GAPVD1: variants seen among roughly 807,000 people sequenced by gnomAD.
The protein encoded by GAPVD1 is GTPase activating protein and VPS9 domains 1.
In GAPVD1, 35 loss-of-function variants were observed where a neutral mutation model predicts 155.5. That is an observed-to-expected ratio of 0.23 (90% CI 0.17 to 0.30). The LOEUF (loss-of-function observed/expected upper bound fraction) is 0.30. Among genes scored for constraint, GAPVD1 ranks in the 10% least tolerant of loss-of-function variants. GAPVD1 has a pLI of 1.00. For missense variants in GAPVD1, 1,429 were observed against 1,775.7 expected (o/e 0.80, Z 3.51); for synonymous variants, 636 against 619.7 (o/e 1.03, Z -0.39).
Position 125,287,275 on chromosome 9 carries a change from T to A in GAPVD1, c.-149-8183T>A, listed in dbSNP as rs536362822. Among the ~76,000 whole-genome samples, 44 of 152,044 alleles carry A rather than the reference T, an allele frequency of 2.9e-4. No homozygotes were observed. In the South Asian group the frequency reaches 3.7e-3, roughly 13 times the overall value. ...AAAATGGGCCGGGCGCAGTGGCTCA[T>A]GCCTGTAATCCTAGCATTTTGGGAG... On this transcript the variant is annotated intron_variant, in intron 2 of 27. Transcript: ENST00000297933.
At chr9:125,271,716 A>G (rs950255560) in intron 2 of GAPVD1, among the ~76,000 whole-genome samples, 1 of 151,656 alleles carries the variant, frequency 6.6e-6, no homozygotes, top group Non-Finnish European at 1.5e-5. Context: ...ACACCTGGCT[A>G]ATTTTTGTAT....
At chr9:125,313,684 C>T (rs1054881607) in intron 9 of GAPVD1, among the ~76,000 whole-genome samples, 2 of 152,174 alleles carry the variant, frequency 1.3e-5, no homozygotes, top group Non-Finnish European at 2.9e-5. Flanking sequence ...TCACCACAGC[C>T]TCTGCCTCCT....
intron 9 of GAPVD1, 61 bp from the exon 10 acceptor site, chr9:125,321,372 G>A (rs1475675670): frequency 7.3e-6 from 9 of 1,237,458 alleles, no homozygotes; most frequent in African/African-American, 1.5e-5. Context: ...ATTTGCTGTG[G>A]TTTGTTTCCT....
chr9:125,317,613 G>A (rs1588906226), intron 9 of GAPVD1, among the ~76,000 whole-genome samples: 1 of 126,352 alleles, frequency 7.9e-6, no homozygotes, highest in East Asian at 2.3e-4. Flanking sequence ...CAACAAGAGC[G>A]AAACTCTGTC....
chr9:125,350,392 A>ACAGACC lies in GAPVD1; in HGVS notation c.3402_3407dup (p.Asp1134_Pro1135dup). 1 of 1,601,412 alleles carries ACAGACC rather than the reference A, an allele frequency of 6.2e-7. No homozygotes were observed. The highest frequency in any genetic ancestry group is 8.6e-7 in the Non-Finnish European group (1 of 1,168,726). On this transcript the variant is annotated inframe_insertion, in exon 22 of 28. Coordinates refer to ENST00000297933, the MANE Select transcript of GAPVD1 (RefSeq NM_001282680.3). ...AACAAGGAATGGTTTACCAGACCAC[A>ACAGACC]CAGACCCAGAAGGTAAATTGCTGCA...
intron 11 of GAPVD1, among the ~76,000 whole-genome samples, 165 bp from the exon 12 acceptor site, chr9:125,326,251 C>G (rs1459037879): frequency 6.6e-6 from 1 of 152,218 alleles, no homozygotes; most frequent in Non-Finnish European, 1.5e-5. Flanking sequence ...GGCACAGTGG[C>G]TCACGCCTGT....
chr9:125,263,226 G>C (rs749811570), intron 1 of GAPVD1, among the ~76,000 whole-genome samples: 5 of 152,196 alleles, frequency 3.3e-5, no homozygotes, highest in Non-Finnish European at 7.3e-5. Flanking sequence ...GAGGCGGGCG[G>C]ATCATTGAGG....
chr9:125,304,364 G>T (rs1424371920), intron 5 of GAPVD1, among the ~76,000 whole-genome samples: 1 of 152,174 alleles, frequency 6.6e-6, no homozygotes, highest in East Asian at 1.9e-4. Flanking sequence ...CCTGGCCCAT[G>T]AAACACTTAA....
intron 1 of GAPVD1, chr9:125,263,718 C>T: frequency 1.2e-6 from 1 of 808,664 alleles, no homozygotes; most frequent in Non-Finnish European, 2.2e-6. Context: ...TGTCAGCACT[C>T]CATCTGTAGG....
chr9:125,307,612 A>G (rs1842055146), intron 7 of GAPVD1, 65 bp downstream of exon 7: 1 of 1,557,808 alleles, frequency 6.4e-7, no homozygotes, highest in South Asian at 1.1e-5. Flanking sequence ...GCAAAAACAT[A>G]CATGAGTACA....
At chr9:125,317,058 G>T (rs553354433) in intron 9 of GAPVD1, among the ~76,000 whole-genome samples, 2 of 152,200 alleles carry the variant, frequency 1.3e-5, no homozygotes, top group East Asian at 1.9e-4. Flanking sequence ...AGTGGTTCAT[G>T]GCCGTAATCC....
intron 15 of GAPVD1, 75 bp downstream of exon 15, chr9:125,332,704 G>GTCACCAGCAAT: frequency 6.6e-6 from 8 of 1,214,152 alleles, no homozygotes; most frequent in African/African-American, 1.5e-5. Context: ...ACACATTGCT[G>GTCACCAGCAAT]GTGACAGCAT....
At chr9:125,305,870 T>G (rs1225399854) in intron 6 of GAPVD1, among the ~76,000 whole-genome samples, 1 of 151,994 alleles carries the variant, frequency 6.6e-6, no homozygotes, top group Admixed American at 6.6e-5. Context: ...CCCAGACTGG[T>G]CTTGACTCCT....
At position 125,362,752 on chromosome 9, in the gene GAPVD1, A is replaced by G; in HGVS notation, c.*6A>G. 1 of 1,611,292 alleles carries G rather than the reference A, an allele frequency of 6.2e-7. No individual in the cohort carries two copies. Among genetic ancestry groups the G allele is most frequent in the Admixed American group, 1.7e-5 (1 of 59,556 alleles). On this transcript the variant is annotated 3_prime_UTR_variant, in exon 28 of 28. Transcript: ENST00000297933. ...CCATCGATGACCGAAAGTGACCAAG[A>G]CCAAGGCCCACCAAGGCAGCAGACT... is the stretch of plus-strand genomic sequence containing the variant.
chr9:125,340,060 G>A (rs1165070045), intron 17 of GAPVD1, among the ~76,000 whole-genome samples: 2 of 152,074 alleles, frequency 1.3e-5, no homozygotes, highest in African/African-American at 4.8e-5. Flanking sequence ...TCACTCTGTC[G>A]CCCAGGCTGG....
At chr9:125,361,369 C>A (rs1169909276) in intron 27 of GAPVD1, among the ~76,000 whole-genome samples, 1 of 152,028 alleles carries the variant, frequency 6.6e-6, no homozygotes, top group East Asian at 1.9e-4. Flanking sequence ...GAAACCTCAT[C>A]TCTACTAAAA....
intron 27 of GAPVD1, 72 bp from the exon 28 acceptor site, chr9:125,362,534 G>T: frequency 8.4e-7 from 1 of 1,191,314 alleles, no homozygotes; most frequent in South Asian, 1.7e-5. Context: ...AACATTCGAA[G>T]AACACTTAAA....
At chr9:125,265,231 GGTT>G in intron 1 of GAPVD1, among the ~76,000 whole-genome samples, 1 of 152,086 alleles carries the variant, frequency 6.6e-6, no homozygotes, top group East Asian at 1.9e-4. Context: ...TGTGATCCTA[GGTT>G]GTTTTATTTC....
At chr9:125,362,014 T>C (rs1183677711) in intron 27 of GAPVD1, among the ~76,000 whole-genome samples, 1 of 152,212 alleles carries the variant, frequency 6.6e-6, no homozygotes, top group East Asian at 1.9e-4. Context: ...TGGCCATCGC[T>C]CTTCTGGCTT....
Sources: allele counts gnomAD v4.1 joint callset (sites outside exome capture counted in the v4.1 genomes callset), GRCh38; gene constraint gnomAD v4.1.1; transcripts MANE v1.5; gene names NCBI Gene and HGNC (gene_info 2026-07-23, HGNC 2026-07-21).